The following DYNLT2B variants were observed in gnomAD, a reference collection of about 807,000 sequenced individuals.
DYNLT2B encodes the protein dynein light chain Tctex-type 2B, also known as dynein light chain Tctex-type protein 2B.
In DYNLT2B, 14 loss-of-function variants were observed where a neutral mutation model predicts 19.5. The observed-to-expected ratio is 0.72, with a 90% CI of 0.47 to 1.12. DYNLT2B has a LOEUF of 1.12. Ranked by LOEUF, DYNLT2B falls within the 50% of genes most tolerant of loss-of-function variation. DYNLT2B has a pLI of 0.00. For synonymous variants in DYNLT2B, 70 were observed against 59.7 expected, an observed-to-expected ratio of 1.17 and a Z score of -0.79; for missense variants, 133 against 174.7, an observed-to-expected ratio of 0.76 and a Z score of 1.35.
intron 3 of DYNLT2B, chr3:196,298,088 A>C (rs1726266426): frequency 3.5e-6 from 1 of 287,808 alleles, no homozygotes. Flanking sequence ...CTGTTCTGCA[A>C]TGTCTCCTTT....
Position 196,296,055 on chromosome 3 carries a change from C to T in DYNLT2B, c.332G>A (p.Cys111Tyr), listed in dbSNP as rs148684369. 22 of 1,613,728 alleles carry T rather than the reference C, an allele frequency of 1.4e-5. No individual in the cohort carries two copies. In the African/African-American group the frequency reaches 2.8e-4, roughly 21 times the overall value. ...RGEGVFMASR[C>Y]FWDADTDNYT... is the part of the protein sequence containing the mutation. The stretch of plus-strand genomic sequence containing the variant: ...GTTGTCAGTGTCAGCATCCCAGAAA[C>T]AGCGAGAAGCCATGCTAAAAAATCC... Residue 111 changes from cysteine to tyrosine, a missense_variant, in exon 4 of 5, where the codon TGT becomes TAT. Transcript: ENST00000325318.
rs556012722 is a variant in DYNLT2B at position 196,308,276 on chromosome 3, G to A, written c.248-1264C>T. ...GTGGCCGGCCAATAAACTGAGTCTT[G>A]AGGGCTGAGTAAGAGGGGACCAGGT... is the stretch of plus-strand genomic sequence containing the variant. On this transcript the variant is annotated intron_variant, in intron 2 of 4. Transcript: ENST00000325318. Among the ~76,000 whole-genome samples the A allele has an allele frequency of 3.9e-5, 6 of 152,108 alleles. No homozygotes were observed. In the South Asian group the frequency reaches 1.2e-3, roughly 32 times the overall value.
chr3:196,294,544 G>A (rs916995803), intron 4 of DYNLT2B, among the ~76,000 whole-genome samples: 5 of 152,008 alleles, frequency 3.3e-5, no homozygotes, highest in South Asian at 2.1e-4. Flanking sequence ...GGGACCCAGC[G>A]TCTATATTTT....
intron 2 of DYNLT2B, among the ~76,000 whole-genome samples, chr3:196,314,942 G>A (rs928494048): frequency 6.6e-6 from 1 of 152,190 alleles, no homozygotes; most frequent in Non-Finnish European, 1.5e-5. Context: ...AGTAAGGGAA[G>A]TAGCTAAGGA....
At chr3:196,311,219 A>C (rs1160467127) in intron 2 of DYNLT2B, among the ~76,000 whole-genome samples, 1 of 152,128 alleles carries the variant, frequency 6.6e-6, no homozygotes, top group Non-Finnish European at 1.5e-5. Flanking sequence ...AAAAGGAAGA[A>C]GCCTGGGCAA....
chr3:196,312,086 G>A (rs1053326509), intron 2 of DYNLT2B, among the ~76,000 whole-genome samples: 24 of 152,060 alleles, frequency 1.6e-4, no homozygotes, highest in Non-Finnish European at 3.1e-4. Flanking sequence ...CTCCATGTTG[G>A]TCAGCCTGGT....
intron 2 of DYNLT2B, among the ~76,000 whole-genome samples, chr3:196,311,661 TTTTATTTATTTATTTATTTA>T (rs148137456): frequency 6.8e-6 from 1 of 147,666 alleles, no homozygotes; most frequent in African/African-American, 2.5e-5. Context: ...ATGAGGATTA[TTTTATTTATTTATTTATTTA>T]TTTATTTATT....
chr3:196,318,224 GAAAGCGT>G lies in DYNLT2B; in HGVS notation c.-79_-73del, dbSNP rs906005453. The G allele has an allele frequency of 2.3e-6, 2 of 880,706 alleles. No individual in the cohort carries two copies. Among genetic ancestry groups the G allele is most frequent in the African/African-American group, 3.5e-5 (2 of 56,718 alleles). The allele number at this position is 880,706 out of a possible 1,614,324, so 54.6% of individuals were successfully genotyped here. A position where few individuals can be genotyped will look rare whatever the true frequency, so the allele number is the denominator to read the frequency against. ...GGTTGCGGTCGCGGCCGGCAGCAGG[GAAAGCGT>G]CTCCAGGGCAACAGGGCCGCCCTCC... is the stretch of plus-strand genomic sequence containing the variant. On this transcript the variant is annotated 5_prime_UTR_variant, in exon 1 of 5. Coordinates refer to ENST00000325318, the MANE Select transcript of DYNLT2B (RefSeq NM_152773.5).
At chr3:196,307,304 T>TTTTTG (rs2108794816) in intron 2 of DYNLT2B, among the ~76,000 whole-genome samples, 1 of 152,246 alleles carries the variant, frequency 6.6e-6, no homozygotes, top group African/African-American at 2.4e-5. Flanking sequence ...TAGTATCTTT[T>TTTTTG]TTTTGTTTTG....
chr3:196,307,708 T>G (rs1403716431), intron 2 of DYNLT2B, among the ~76,000 whole-genome samples: 1 of 152,134 alleles, frequency 6.6e-6, no homozygotes, highest in Non-Finnish European at 1.5e-5. Flanking sequence ...GCTAGTGAGC[T>G]GAACCTTCAA....
intron 3 of DYNLT2B, among the ~76,000 whole-genome samples, chr3:196,301,987 G>A (rs964102194): frequency 5.3e-5 from 8 of 152,014 alleles, no homozygotes; most frequent in Non-Finnish European, 7.4e-5. Flanking sequence ...CACGCCTGTA[G>A]TCTCTGCTAC....
rs1290111420 is a variant in DYNLT2B, at chr3:196,318,045, C to T, written c.108G>A (p.Gln36=). The change falls in exon 1 of 5, where the codon CAG becomes CAA. Residue 36 remains glutamine (Q), a synonymous_variant. Coordinates refer to ENST00000325318, the MANE Select transcript of DYNLT2B (RefSeq NM_152773.5). ...ENTYILRPVF[Q]QRFRPSVVKD... is the part of the protein sequence containing the mutation. ...ACAGCCCGTCCTCTACCCGCCTCTG[C>T]TGGAAAACAGGCCGCAGAATATAGG... 1 of 1,530,528 alleles carries T rather than the reference C, an allele frequency of 6.5e-7. No homozygotes were observed. Among genetic ancestry groups the T allele is most frequent in the Admixed American group, 2.1e-5 (1 of 48,440 alleles). The allele number at this position is 1,530,528 out of a possible 1,614,324, so 94.8% of individuals were successfully genotyped here.
chr3:196,316,431 C>T (rs948487963), intron 1 of DYNLT2B, among the ~76,000 whole-genome samples, 200 bp from the exon 2 acceptor site: 12 of 152,110 alleles, frequency 7.9e-5, no homozygotes, highest in Non-Finnish European at 1.5e-4. Flanking sequence ...TGAACTTCAA[C>T]ACATTCCAAC....
chr3:196,311,800 T>A (rs1433676850), intron 2 of DYNLT2B, among the ~76,000 whole-genome samples: 1 of 151,962 alleles, frequency 6.6e-6, no homozygotes, highest in Admixed American at 6.6e-5. Flanking sequence ...AATTCTCCTG[T>A]CTCAGCCTCC....
At chr3:196,301,708 G>C (rs1726360505) in intron 3 of DYNLT2B, among the ~76,000 whole-genome samples, 1 of 151,652 alleles carries the variant, frequency 6.6e-6, no homozygotes. Flanking sequence ...GTGAGACTCT[G>C]TCTCAAAAAT....
intron 2 of DYNLT2B, among the ~76,000 whole-genome samples, chr3:196,311,504 G>A (rs1197177500): frequency 6.6e-6 from 1 of 151,818 alleles, no homozygotes; most frequent in African/African-American, 2.4e-5. Context: ...CTGAAGAAAA[G>A]GAAGTAACGA....
intron 3 of DYNLT2B, among the ~76,000 whole-genome samples, chr3:196,300,651 C>T (rs1230234956): frequency 6.6e-6 from 1 of 151,210 alleles, no homozygotes; most frequent in Admixed American, 6.6e-5. Flanking sequence ...ATCACTTGAA[C>T]CCGGGAGGCT....
At chr3:196,316,881 A>AT (rs1245108607) in intron 1 of DYNLT2B, among the ~76,000 whole-genome samples, 125 of 75,076 alleles carry the variant, frequency 1.7e-3, no homozygotes, top group Admixed American at 3.6e-3. Flanking sequence ...TGAGCCTGAC[A>AT]TTTTTTTCAG....
Position 196,318,069 on chromosome 3 carries a change from G to C in DYNLT2B, c.84C>G (p.Thr28=). ...AEKNAGEPEN[T]YILRPVFQQR... ...GCTGGAAAACAGGCCGCAGAATATA[G>C]GTGTTCTCGGGCTCCCCTGCGTTCT... is the stretch of plus-strand genomic sequence containing the variant. Residue 28 remains threonine, a synonymous_variant, in exon 1 of 5, where the codon ACC becomes ACG. Coordinates refer to ENST00000325318, the MANE Select transcript of DYNLT2B (RefSeq NM_152773.5). 1 of 1,563,230 alleles carries C rather than the reference G, an allele frequency of 6.4e-7. No individual in the cohort carries two copies. Among genetic ancestry groups the C allele is most frequent in the East Asian group, 2.6e-5 (1 of 38,468 alleles).
Sources: allele counts gnomAD v4.1 joint callset (sites outside exome capture counted in the v4.1 genomes callset), GRCh38; gene constraint gnomAD v4.1.1; transcripts MANE v1.5; gene names NCBI Gene and HGNC (gene_info 2026-07-23, HGNC 2026-07-21).